PHACTR3: variants seen among roughly 807,000 people sequenced by gnomAD.
PHACTR3 encodes the protein phosphatase and actin regulator 3.
A neutral mutation model predicts 66.8 loss-of-function variants in PHACTR3; 16 were observed. That is an observed-to-expected ratio of 0.24 (90% CI 0.16 to 0.36). PHACTR3 has a LOEUF of 0.36. Ranked by LOEUF, PHACTR3 falls within the 10% of genes least tolerant of loss-of-function variation. The pLI, the probability that PHACTR3 is intolerant of heterozygous loss-of-function variation, is 1.00. For missense variants in PHACTR3, 647 were observed against 719.9 expected (o/e 0.90, Z 1.16); for synonymous variants, 323 against 292.1 (o/e 1.11, Z -1.08).
intron 3 of PHACTR3, 147 bp downstream of exon 3, chr20:59,747,982 A>G (rs1186257): frequency 0.79 from 597,897 of 756,050 alleles, 238,724 homozygotes; most frequent in African/African-American, 0.94. Context: ...TTGGAGAGAC[A>G]CCCCATGTCA....
In PHACTR3 at chr20:59,766,253, C is replaced by T. The variant is rs114781574; in HGVS notation, c.542-933C>T. ...ACCTGCAGGAGGAAGCTCCTGGCCACGGGTCCTGCAGAGTGACAGTTCTTC... is the reference window on the plus strand; with the variant it reads ...ACCTGCAGGAGGAAGCTCCTGGCCATGGGTCCTGCAGAGTGACAGTTCTTC... On this transcript the variant is annotated intron_variant, in intron 4 of 12. Transcript: ENST00000371015. Among the ~76,000 whole-genome samples, 1,093 of 152,296 alleles carry T rather than the reference C, an allele frequency of 7.2e-3. 13 individuals are homozygous for T. The highest frequency in any genetic ancestry group is 0.024 in the African/African-American group (1,011 of 41,562).
chr20:59,634,414 T>TA (rs745554951), intron 1 of PHACTR3, among the ~76,000 whole-genome samples: 6 of 152,158 alleles, frequency 3.9e-5, no homozygotes, highest in Non-Finnish European at 8.8e-5. Flanking sequence ...GTAAAACACT[T>TA]AATGTGGTGT....
chr20:59,713,079 G>C (rs1454348781), intron 1 of PHACTR3, among the ~76,000 whole-genome samples: 1 of 152,218 alleles, frequency 6.6e-6, no homozygotes, highest in Non-Finnish European at 1.5e-5. Flanking sequence ...TCACAACACG[G>C]TCTAGGGTCT....
In PHACTR3 at chr20:59,830,003, C is replaced by T. The variant is rs572728162; in HGVS notation, c.1329-6502C>T. ...CCACTTCCTGAAATTACCTGCAGCC[C>T]CTGCTGCTGTGCTCATCATGCAGGA... On this transcript the variant is annotated intron_variant, in intron 8 of 12. Coordinates refer to ENST00000371015, the MANE Select transcript of PHACTR3 (RefSeq NM_080672.5). This position sits in a 1 kb window ranked among gnomAD's most constrained non-coding sequence, Gnocchi z 5.8. 1.3e-5 allele frequency among the ~76,000 whole-genome samples: 2 copies of T among 151,762 alleles called. No homozygotes were observed. Among genetic ancestry groups the T allele is most frequent in the East Asian group, 1.9e-4 (1 of 5,178 alleles).
chr20:59,803,636 G>A (rs1454168250), intron 7 of PHACTR3, among the ~76,000 whole-genome samples: 3 of 152,026 alleles, frequency 2.0e-5, no homozygotes, highest in Non-Finnish European at 4.4e-5. Context: ...TTGTCATTCC[G>A]TAACATATAC....
At chr20:59,808,501 G>C (rs184749721) in intron 8 of PHACTR3, among the ~76,000 whole-genome samples, 12 of 152,328 alleles carry the variant, frequency 7.9e-5, no homozygotes, top group African/African-American at 2.9e-4. Flanking sequence ...GCTGGGCTTG[G>C]TAGACAGTGC....
At chr20:59,765,651 C>T (rs954297069) in intron 4 of PHACTR3, among the ~76,000 whole-genome samples, 2 of 152,326 alleles carry the variant, frequency 1.3e-5, no homozygotes, top group Admixed American at 6.5e-5. Flanking sequence ...ATACAAGGAG[C>T]GTGCAATATT....
chr20:59,609,802 A>T (rs954912573), intron 1 of PHACTR3, among the ~76,000 whole-genome samples: 1 of 152,162 alleles, frequency 6.6e-6, no homozygotes, highest in African/African-American at 2.4e-5. Context: ...ACATGGCTTA[A>T]TTAGTAGTAG....
At chr20:59,821,848 C>T (rs1156702564) in intron 8 of PHACTR3, among the ~76,000 whole-genome samples, 2 of 147,096 alleles carry the variant, frequency 1.4e-5, no homozygotes, top group African/African-American at 4.9e-5. Context: ...GACCCTCCCA[C>T]ACTGGGCCAG....
chr20:59,784,404 A>G lies in PHACTR3; in HGVS notation c.1174+9914A>G, dbSNP rs531571625. 2.1e-4 allele frequency among the ~76,000 whole-genome samples: 32 copies of G among 152,160 alleles called. No homozygotes were observed. In the Middle Eastern group the frequency reaches 0.014, roughly 65 times the overall value. On this transcript the variant is annotated intron_variant, in intron 7 of 12. Coordinates refer to ENST00000371015, the MANE Select transcript of PHACTR3 (RefSeq NM_080672.5). ...GTATATGTGTGTGTGGTGTGTGTCTATCCCATTGCTTCTGTGTCTCTGGAG... is the reference window on the plus strand; with the variant it reads ...GTATATGTGTGTGTGGTGTGTGTCTGTCCCATTGCTTCTGTGTCTCTGGAG...
intron 1 of PHACTR3, among the ~76,000 whole-genome samples, chr20:59,655,062 C>A (rs944594494): frequency 1.3e-5 from 2 of 151,946 alleles, no homozygotes; most frequent in African/African-American, 4.8e-5. Flanking sequence ...TTTTGCGGAT[C>A]TATGTTTTTA....
At chr20:59,591,526 C>T (rs993309655) in intron 1 of PHACTR3, among the ~76,000 whole-genome samples, 8 of 152,112 alleles carry the variant, frequency 5.3e-5, no homozygotes, top group Admixed American at 1.3e-4. Context: ...GACCAGGGAC[C>T]GCTTTGTGGC....
intron 3 of PHACTR3, among the ~76,000 whole-genome samples, chr20:59,751,963 A>G (rs529717365): frequency 6.6e-6 from 1 of 152,150 alleles, no homozygotes; most frequent in East Asian, 1.9e-4. Context: ...TTATGTTCTG[A>G]ATGACTTTCC....
chr20:59,661,015 A>C (rs1601030081), intron 1 of PHACTR3, among the ~76,000 whole-genome samples: 1 of 152,192 alleles, frequency 6.6e-6, no homozygotes, highest in Non-Finnish European at 1.5e-5. Context: ...GTTTGACTGT[A>C]TCTCTTCACA....
intron 1 of PHACTR3, among the ~76,000 whole-genome samples, chr20:59,720,385 G>T (rs2038249445): frequency 6.6e-6 from 1 of 152,136 alleles, no homozygotes; most frequent in Non-Finnish European, 1.5e-5. Flanking sequence ...AGAGGCCACG[G>T]GCTCTTCTGT....
chr20:59,697,807 C>G (rs1337475529), intron 1 of PHACTR3, among the ~76,000 whole-genome samples: 1 of 152,136 alleles, frequency 6.6e-6, no homozygotes, highest in Non-Finnish European at 1.5e-5. Flanking sequence ...TGAACTAATG[C>G]AACAACTTAT....
rs2059166278 is a variant in PHACTR3 at position 59,847,200 on chromosome 20, T to C, written c.*70T>C. On this transcript the variant is annotated 3_prime_UTR_variant, in exon 13 of 13. Transcript: ENST00000371015. Reference sequence around the variant, plus strand: ...ACACTGAACATTCATCAGGGAACTTTCCTGAAGTTCAGCTCAAGACTACCC... The same window carrying C: ...ACACTGAACATTCATCAGGGAACTTCCCTGAAGTTCAGCTCAAGACTACCC... The C allele has an allele frequency of 2.5e-6, 3 of 1,197,858 alleles. No homozygotes were observed. Among genetic ancestry groups the C allele is most frequent in the East Asian group, 2.4e-5 (1 of 42,442 alleles). The allele number at this position is 1,197,858 out of a possible 1,614,324, so 74.2% of individuals were successfully genotyped here.
intron 1 of PHACTR3, among the ~76,000 whole-genome samples, chr20:59,714,772 A>C (rs1039443121): frequency 9.8e-5 from 15 of 152,362 alleles, no homozygotes; most frequent in African/African-American, 3.6e-4. Context: ...ATTTAGGAAC[A>C]AATAAAATCT....
rs186441412 is a variant in PHACTR3 at position 59,727,867 on chromosome 20, G to C, written c.119-15240G>C. ...AAATCCGAAACACTTCTGGTCCCAA[G>C]TGTTTCGGATCAAGAATACTGCACC... On this transcript the variant is annotated intron_variant, in intron 1 of 12. Coordinates refer to ENST00000371015, the MANE Select transcript of PHACTR3 (RefSeq NM_080672.5). Among the ~76,000 whole-genome samples, 3 of 152,214 alleles carry C rather than the reference G, an allele frequency of 2.0e-5. No individual in the cohort carries two copies. In the East Asian group the frequency reaches 5.8e-4, roughly 29 times the overall value.
Sources: gnomAD v4.1 joint callset for allele counts (sites outside exome capture counted in the v4.1 genomes callset) on GRCh38, gnomAD v4.1.1 for gene constraint, Gnocchi (gnomAD v3.1) non-coding constraint, MANE v1.5 for transcripts, NCBI Gene and HGNC (gene_info 2026-07-23, HGNC 2026-07-21) for gene names.